ZFP64: variants seen among roughly 807,000 people sequenced by gnomAD.
ZFP64 encodes the protein zinc finger protein 64.
A neutral mutation model predicts 51.6 loss-of-function variants in ZFP64; 14 were observed. That is an observed-to-expected ratio of 0.27 (90% CI 0.18 to 0.42). ZFP64 has a LOEUF of 0.42. Ranked by LOEUF, ZFP64 falls within the 10% of genes least tolerant of loss-of-function variation. ZFP64 has a pLI of 1.00. For synonymous variants in ZFP64, 375 were observed against 361.4 expected, an observed-to-expected ratio of 1.04 and a Z score of -0.43; for missense variants, 754 against 906.8, an observed-to-expected ratio of 0.83 and a Z score of 2.16.
At chr20:52,184,957 C>A (rs1163324129) in intron 2 of ZFP64, among the ~76,000 whole-genome samples, 4 of 152,130 alleles carry the variant, frequency 2.6e-5, no homozygotes, top group Non-Finnish European at 5.9e-5. Flanking sequence ...CGTATACATA[C>A]AAAGGCTCCA....
chr20:52,186,143 TTC>T (rs746678375), intron 2 of ZFP64, among the ~76,000 whole-genome samples: 19 of 152,324 alleles, frequency 1.2e-4, no homozygotes, highest in Non-Finnish European at 2.6e-4. Context: ...AAGGAATACA[TTC>T]TCTGTTTCCC....
At chr20:52,099,839 C>A (rs1297079910) in intron 5 of ZFP64, among the ~76,000 whole-genome samples, 1 of 152,136 alleles carries the variant, frequency 6.6e-6, no homozygotes, top group African/African-American at 2.4e-5. Context: ...TAGGTGAAAT[C>A]GCTATTTTTG....
At chr20:52,163,527 T>C (rs1317330008) in intron 4 of ZFP64, among the ~76,000 whole-genome samples, 1 of 152,194 alleles carries the variant, frequency 6.6e-6, no homozygotes, top group East Asian at 1.9e-4. Context: ...AACTTAATAT[T>C]TGGATAATTA....
intron 5 of ZFP64, among the ~76,000 whole-genome samples, chr20:52,106,718 G>A (rs1400115345): frequency 6.6e-6 from 1 of 152,152 alleles, no homozygotes; most frequent in East Asian, 1.9e-4. Context: ...AAATTTCCGA[G>A]ACTTAAACTT....
chr20:52,155,584 T>A (rs188380245), intron 5 of ZFP64, among the ~76,000 whole-genome samples: 2 of 152,280 alleles, frequency 1.3e-5, no homozygotes, highest in Admixed American at 6.5e-5. Flanking sequence ...ATCTCGCAGC[T>A]AAGTTGCAGA....
chr20:52,137,474 G>A (rs578243952), intron 5 of ZFP64, among the ~76,000 whole-genome samples: 13 of 152,154 alleles, frequency 8.5e-5, no homozygotes, highest in Non-Finnish European at 1.2e-4. Flanking sequence ...CATCTGCCAG[G>A]ACAAAAGAAG....
downstream of ZFP64, among the ~76,000 whole-genome samples, chr20:52,149,877 T>C (rs773715465): frequency 1.3e-5 from 2 of 152,096 alleles, no homozygotes; most frequent in Non-Finnish European, 2.9e-5. Flanking sequence ...TACAACTTCA[T>C]AACTGGAGTA....
intron 5 of ZFP64, among the ~76,000 whole-genome samples, chr20:52,116,184 G>A (rs1978860775): frequency 6.7e-6 from 1 of 150,266 alleles, no homozygotes; most frequent in Admixed American, 6.7e-5. Flanking sequence ...CACCCAGGCT[G>A]GAGTGCAGTG....
chr20:52,105,205 G>A, intron 5 of ZFP64: 2 of 1,429,406 alleles, frequency 1.4e-6, no homozygotes, highest in Non-Finnish European at 1.8e-6. Context: ...CGGAGTTGAG[G>A]TGCTGGGGCT....
chr20:52,188,304 CTTTCTTTTTTTTTTTTTTT>C (rs1319873047), intron 1 of ZFP64, among the ~76,000 whole-genome samples: 3 of 125,444 alleles, frequency 2.4e-5, no homozygotes, highest in Non-Finnish European at 5.0e-5. Context: ...ATTTCTTTTT[CTTTCTTTTTTTTTTTTTTT>C]TTTTTTTTTG....
rs887177056 is a variant in ZFP64 at position 52,093,817 on chromosome 20, C to T, written c.976+3556G>A. Among the ~76,000 whole-genome samples, 12 of 152,292 alleles carry T rather than the reference C, an allele frequency of 7.9e-5. No individual in the cohort carries two copies. In the South Asian group the frequency reaches 8.3e-4, roughly 11 times the overall value. On this transcript the variant is annotated intron_variant, in intron 7 of 8. Coordinates refer to the ZFP64 transcript ENST00000361387. ...TGCAGATTCTGATTCAGTAGGTCTA[C>T]GGTGCAGCTTGGGTTCCTGCATTTT...
Position 52,153,099 on chromosome 20 carries a change from G to A in ZFP64, c.1093C>T (p.His365Tyr). ...CACTTGAAAGGGCGGTCGGTGCAGT[G>A]GATACGCTCGTGGATGCGCAGGGCG... ...KAALRIHERI[H>Y]CTDRPFKCNY... Residue 365 changes from histidine (H) to tyrosine (Y), a missense_variant, in exon 6 of 6, where the codon CAC becomes TAC. This residue lies in a region of ZFP64 where 428 missense variants were observed against 472.4 expected (regional missense o/e 0.91). Transcript: ENST00000216923. The surrounding 1 kb of genome is among the most constrained non-coding windows in gnomAD (Gnocchi z 5.1). 2 of 1,614,228 alleles carry A rather than the reference G, an allele frequency of 1.2e-6. No homozygotes were observed. The highest frequency in any genetic ancestry group is 1.7e-6 in the Non-Finnish European group (2 of 1,180,046).
At position 52,160,228 on chromosome 20, in the gene ZFP64, T is replaced by C. The variant is rs1256246361; in HGVS notation, c.658A>G (p.Lys220Glu). Residue 220 changes from lysine to glutamate, a missense_variant, in exon 5 of 6, where the codon AAG (lysine) becomes GAG (glutamate). Lys to Glu is a moderately conservative substitution (Grantham distance 56). Around this residue, in one of 3 missense-constraint regions of ZFP64, gnomAD observed 231 missense variants for 336.7 expected, o/e 0.69. Coordinates refer to ENST00000216923, the MANE Select transcript of ZFP64 (RefSeq NM_018197.3). The surrounding 1 kb of genome is among the most constrained non-coding windows in gnomAD (Gnocchi z 4.2). Reference protein sequence around the residue: ...YAAADSSSLNKHLRIHSDERP... With the variant: ...YAAADSSSLNEHLRIHSDERP... ...TCGTCCGAGTGGATCCTCAGGTGCT[T>C]GTTGAGGCTGCTGCTGTCGGCAGCG... 6.2e-7 allele frequency: 1 copy of C among 1,614,092 alleles called. No individual in the cohort carries two copies.
intron 6 of ZFP64, among the ~76,000 whole-genome samples, chr20:52,098,172 C>CAAA (rs34173401): frequency 0.049 from 6,089 of 123,906 alleles, 285 homozygotes; most frequent in African/African-American, 0.11. Flanking sequence ...AAACTGTCTC[C>CAAA]AAAAAAAAAA....
intron 2 of ZFP64, among the ~76,000 whole-genome samples, chr20:52,179,072 G>C (rs1431519900): frequency 2.0e-5 from 3 of 152,138 alleles, no homozygotes; most frequent in Admixed American, 2.0e-4. Context: ...GAGGAACCTG[G>C]TGGGAGGTGA....
At chr20:52,170,464 A>C (rs960130699) in intron 2 of ZFP64, among the ~76,000 whole-genome samples, 3 of 152,138 alleles carry the variant, frequency 2.0e-5, no homozygotes, top group Non-Finnish European at 4.4e-5. Flanking sequence ...GGAAAAAAAA[A>C]CAAAACCCAA....
intron 5 of ZFP64, among the ~76,000 whole-genome samples, chr20:52,103,533 T>C (rs2079076013): frequency 6.6e-6 from 1 of 152,194 alleles, no homozygotes; most frequent in Non-Finnish European, 1.5e-5. Context: ...ACCCTCCCCA[T>C]GCCCGAAACA....
At chr20:52,134,191 T>A (rs1033726437) in intron 5 of ZFP64, among the ~76,000 whole-genome samples, 10 of 152,042 alleles carry the variant, frequency 6.6e-5, no homozygotes, top group Non-Finnish European at 1.0e-4. Flanking sequence ...GTATTTGTAA[T>A]TTTACATTTT....
chr20:52,104,448 A>G (rs927439548), intron 5 of ZFP64, among the ~76,000 whole-genome samples: 15 of 152,196 alleles, frequency 9.9e-5, no homozygotes, highest in African/African-American at 3.4e-4. Context: ...GTGCGACAGC[A>G]TCACTGCTCT....
Sources: allele counts gnomAD v4.1 joint callset (sites outside exome capture counted in the v4.1 genomes callset), GRCh38; gene constraint gnomAD v4.1.1; regional missense constraint gnomAD v4.1.1; non-coding constraint Gnocchi (gnomAD v3.1); transcripts MANE v1.5; gene names NCBI Gene and HGNC (gene_info 2026-07-23, HGNC 2026-07-21).